Variants in CCDC14 observed in about 807,000 individuals in gnomAD.
CCDC14 encodes the protein coiled-coil domain containing 14.
A neutral mutation model predicts 81.4 loss-of-function variants in CCDC14; 71 were observed. That is an observed-to-expected ratio of 0.87 (90% CI 0.72 to 1.06). The LOEUF (loss-of-function observed/expected upper bound fraction) is 1.06. Ranked by LOEUF, CCDC14 falls within the 50% of genes least tolerant of loss-of-function variation. CCDC14 has a pLI of 0.00. For missense variants in CCDC14, 1,046 were observed against 1,047.3 expected (o/e 1.00, Z 0.02); for synonymous variants, 332 against 364.8 (o/e 0.91, Z 1.03).
intron 1 of CCDC14, among the ~76,000 whole-genome samples, chr3:123,960,503 A>G (rs2037618497): frequency 6.6e-6 from 1 of 152,196 alleles, no homozygotes; most frequent in Non-Finnish European, 1.5e-5. Context: ...TCATATATAA[A>G]ATAGGGATAA....
intron 5 of CCDC14, among the ~76,000 whole-genome samples, chr3:123,898,511 A>G (rs1475515990): frequency 6.6e-6 from 1 of 152,126 alleles, no homozygotes; most frequent in African/African-American, 2.4e-5. Context: ...GCTGTGACCC[A>G]TGGTCCCAGC....
At chr3:123,925,595 C>G (rs889420659) in intron 12 of CCDC14, among the ~76,000 whole-genome samples, 3 of 152,028 alleles carry the variant, frequency 2.0e-5, no homozygotes, top group Non-Finnish European at 2.9e-5. Flanking sequence ...GCTACCATGC[C>G]CAGGTAATTT....
chr3:123,910,269 C>T (rs1050377089), downstream of CCDC14, among the ~76,000 whole-genome samples: 1 of 152,084 alleles, frequency 6.6e-6, no homozygotes, highest in Non-Finnish European at 1.5e-5. Flanking sequence ...GCTAAGATAG[C>T]CAACTCAACC....
intron 10 of CCDC14, 90 bp from the exon 11 acceptor site, chr3:123,931,616 A>G (rs1255549775): frequency 5.5e-5 from 33 of 600,222 alleles, no homozygotes; most frequent in South Asian, 1.9e-4. Context: ...AAAAAAAAAA[A>G]GGCCTGAAAT....
At chr3:123,926,151 G>A (rs2035347350) in intron 12 of CCDC14, among the ~76,000 whole-genome samples, 1 of 152,084 alleles carries the variant, frequency 6.6e-6, no homozygotes, top group Non-Finnish European at 1.5e-5. Flanking sequence ...CAGAGATAAA[G>A]AAAGGAAGGG....
At chr3:123,893,448 A>G (rs2034017506), downstream of CCDC14, among the ~76,000 whole-genome samples, 1 of 152,132 alleles carries the variant, frequency 6.6e-6, no homozygotes, top group Non-Finnish European at 1.5e-5. Context: ...ATCTAGCATT[A>G]TTTTGTTTAT....
chr3:123,938,940 T>C (rs1342047022), intron 9 of CCDC14, among the ~76,000 whole-genome samples: 1 of 151,972 alleles, frequency 6.6e-6, no homozygotes, highest in Non-Finnish European at 1.5e-5. Flanking sequence ...TCAAGATTAC[T>C]AACACATTCT....
rs770791452 is a variant in CCDC14, at chr3:123,913,829, C to T, written c.*950G>A. 2.0e-6 allele frequency: 2 copies of T among 985,262 alleles called. No homozygotes were observed. Among genetic ancestry groups the T allele is most frequent in the Non-Finnish European group, 2.4e-6 (2 of 829,896 alleles). 61.0% of individuals were successfully genotyped at this position (985,262 alleles called of 1,614,324 possible). On this transcript the variant is annotated 3_prime_UTR_variant, in exon 13 of 13. Coordinates refer to ENST00000409697, the MANE Select transcript of CCDC14 (RefSeq NM_001366335.1). ...TTAGTGATAACACAACATTCAGCTT[C>T]CTAAGAGTTAAAACGTGCTGCTTAC...
downstream of CCDC14, among the ~76,000 whole-genome samples, chr3:123,894,090 T>G (rs955327017): frequency 6.6e-6 from 1 of 152,228 alleles, no homozygotes; most frequent in Non-Finnish European, 1.5e-5. Flanking sequence ...CTAAGAGTTT[T>G]ACAGTTTAGC....
chr3:123,898,372 C>T (rs1170619060), intron 5 of CCDC14, among the ~76,000 whole-genome samples: 6 of 152,172 alleles, frequency 3.9e-5, no homozygotes, highest in South Asian at 2.1e-4. Flanking sequence ...ATTACTTAAT[C>T]GTGCCATGCC....
intron 5 of CCDC14, among the ~76,000 whole-genome samples, chr3:123,897,809 G>A (rs1306424454): frequency 2.0e-5 from 3 of 152,114 alleles, no homozygotes; most frequent in African/African-American, 2.4e-5. Context: ...TAGGTGATCT[G>A]GGCAGAGGGG....
At chr3:123,944,137 C>T (rs2036504010) in intron 9 of CCDC14, among the ~76,000 whole-genome samples, 1 of 152,054 alleles carries the variant, frequency 6.6e-6, no homozygotes, top group Non-Finnish European at 1.5e-5. Flanking sequence ...GGACACCCAA[C>T]TGGTGTCTGT....
intron 12 of CCDC14, among the ~76,000 whole-genome samples, chr3:123,923,301 T>C (rs1577243104): frequency 6.6e-6 from 1 of 152,164 alleles, no homozygotes; most frequent in South Asian, 2.1e-4. Context: ...AGGCCATATA[T>C]ATGACAAACC....
intron 12 of CCDC14, among the ~76,000 whole-genome samples, chr3:123,926,983 G>A (rs2035399543): frequency 6.6e-6 from 1 of 152,146 alleles, no homozygotes. Flanking sequence ...AATGGTCACA[G>A]CAATCCACTT....
At chr3:123,902,787 A>C (rs189321112) in intron 5 of CCDC14, among the ~76,000 whole-genome samples, 52 of 152,252 alleles carry the variant, frequency 3.4e-4, no homozygotes, top group Non-Finnish European at 2.9e-4. Flanking sequence ...TAGATATGAT[A>C]ATATTGTGCT....
intron 9 of CCDC14, among the ~76,000 whole-genome samples, chr3:123,934,729 T>C (rs1246750878): frequency 6.6e-6 from 1 of 152,214 alleles, no homozygotes. Context: ...TTACCTCTAT[T>C]ATCTTTCCAG....
At chr3:123,954,892 G>A (rs1341330980) in intron 5 of CCDC14, 3 of 152,054 alleles carry the variant, frequency 2.0e-5, no homozygotes, top group Non-Finnish European at 4.4e-5. Context: ...ATAGCCACAT[G>A]TGGCCAGTGG....
Position 123,915,564 on chromosome 3 carries a change from A to T in CCDC14, c.1933T>A (p.Tyr645Asn). ...PAPAHTSIMS[Y>N]LNKLETNYSF... ...TAATTTGTTTCTAACTTATTTAGATAGCTCATTATGGAAGTGTGAGCAGGA... is the reference window on the plus strand; with the variant it reads ...TAATTTGTTTCTAACTTATTTAGATTGCTCATTATGGAAGTGTGAGCAGGA... Residue 645 changes from tyrosine to asparagine, a missense_variant, in exon 13 of 13, where the codon TAT becomes AAT. Tyr to Asn is a moderately radical substitution (Grantham distance 143). Transcript: ENST00000409697. 6.2e-7 allele frequency: 1 copy of T among 1,614,002 alleles called. No homozygotes were observed.
intron 5 of CCDC14, among the ~76,000 whole-genome samples, chr3:123,905,809 TAACA>T (rs2034294474): frequency 6.6e-6 from 1 of 152,124 alleles, no homozygotes; most frequent in Non-Finnish European, 1.5e-5. Flanking sequence ...TGCACAGGCT[TAACA>T]GTCCATGCTA....
Sources: gnomAD v4.1 joint callset for allele counts (sites outside exome capture counted in the v4.1 genomes callset) on GRCh38, gnomAD v4.1.1 for gene constraint, MANE v1.5 for transcripts, NCBI Gene and HGNC (gene_info 2026-07-23, HGNC 2026-07-21) for gene names.